The following ERC1 variants were observed in gnomAD, a reference collection of about 807,000 sequenced individuals.
The protein encoded by ERC1 is ELKS/RAB6-interacting/CAST family member 1.
Under a neutral mutation model 132.0 loss-of-function variants are expected in ERC1, and 56 were observed. The observed-to-expected ratio is 0.42, with a 90% CI of 0.34 to 0.53. ERC1 has a LOEUF of 0.53. Ranked by LOEUF, ERC1 falls within the 20% of genes least tolerant of loss-of-function variation. ERC1 has a pLI of 0.03. For synonymous variants in ERC1, 478 were observed against 476.1 expected (o/e 1.00, Z -0.05); for missense variants, 1,202 against 1,349.9 (o/e 0.89, Z 1.72).
At chr12:1,293,328 C>T (rs61912040) in intron 15 of ERC1, among the ~76,000 whole-genome samples, 46,140 of 146,162 alleles carry the variant, frequency 0.32, 8,249 homozygotes, top group Middle Eastern at 0.42. Context: ...TGGCGGGCGC[C>T]TGTAGTCCCA....
At chr12:1,316,356 G>C (rs2081722178) in intron 15 of ERC1, among the ~76,000 whole-genome samples, 1 of 152,054 alleles carries the variant, frequency 6.6e-6, no homozygotes, top group Admixed American at 6.6e-5. Flanking sequence ...AGAGCATGCT[G>C]AAAAAGCTAC....
chr12:1,424,052 A>G (rs78171338), intron 17 of ERC1, among the ~76,000 whole-genome samples: 7,647 of 151,340 alleles, frequency 0.051, 250 homozygotes, highest in East Asian at 0.095. Context: ...GTGTGTGTGT[A>G]TGTTTCTTTT....
At chr12:1,009,964 C>CT (rs917129012) in intron 1 of ERC1, among the ~76,000 whole-genome samples, 39 of 152,120 alleles carry the variant, frequency 2.6e-4, no homozygotes, top group African/African-American at 9.4e-4. Context: ...GGTATAACTC[C>CT]TTTTTTCAGT....
At chr12:1,313,180 C>T (rs2081434011) in intron 15 of ERC1, among the ~76,000 whole-genome samples, 2 of 151,938 alleles carry the variant, frequency 1.3e-5, no homozygotes, top group African/African-American at 2.4e-5. Context: ...AGAAGCCTTT[C>T]CTACATATTC....
At chr12:1,411,265 A>G (rs1183425057) in intron 17 of ERC1, among the ~76,000 whole-genome samples, 1 of 152,194 alleles carries the variant, frequency 6.6e-6, no homozygotes, top group African/African-American at 2.4e-5. Flanking sequence ...AGAAAAAGTA[A>G]TAATTATGAT....
chr12:1,195,623 C>A (rs941432539), intron 12 of ERC1, among the ~76,000 whole-genome samples: 1 of 152,148 alleles, frequency 6.6e-6, no homozygotes, highest in African/African-American at 2.4e-5. Context: ...ATTATCTTGT[C>A]GGGATGTGAT....
At chr12:1,353,568 G>A (rs1045599064) in intron 15 of ERC1, among the ~76,000 whole-genome samples, 1 of 152,198 alleles carries the variant, frequency 6.6e-6, no homozygotes, top group African/African-American at 2.4e-5. Flanking sequence ...TGTCAAAGCT[G>A]GTATAGGCAC....
chr12:1,277,960 C>T (rs185283512), intron 14 of ERC1, among the ~76,000 whole-genome samples: 10 of 152,270 alleles, frequency 6.6e-5, no homozygotes, highest in African/African-American at 1.4e-4. Flanking sequence ...AGAGGAACCT[C>T]GTAGGTTTCA....
chr12:1,477,705 A>C (rs1340359733), intron 18 of ERC1, among the ~76,000 whole-genome samples: 1 of 152,164 alleles, frequency 6.6e-6, no homozygotes, highest in African/African-American at 2.4e-5. Flanking sequence ...TCATATAGCA[A>C]ATTCTTGGAA....
intron 2 of ERC1, among the ~76,000 whole-genome samples, chr12:1,081,547 G>A (rs1487478558): frequency 6.6e-6 from 1 of 152,148 alleles, no homozygotes; most frequent in African/African-American, 2.4e-5. Context: ...TTGAATGCCA[G>A]CTCTATCACT....
chr12:1,150,620 G>C (rs754856442), intron 8 of ERC1, among the ~76,000 whole-genome samples: 15 of 152,166 alleles, frequency 9.9e-5, no homozygotes, highest in Non-Finnish European at 1.9e-4. Flanking sequence ...ACAATGATAA[G>C]TCATTTTGAC....
intron 8 of ERC1, among the ~76,000 whole-genome samples, chr12:1,159,476 G>A (rs1566110402): frequency 6.6e-6 from 1 of 152,200 alleles, no homozygotes; most frequent in Non-Finnish European, 1.5e-5. Context: ...GTTCCTAACA[G>A]GCCACAGACC....
At chr12:1,335,488 C>CTG in intron 15 of ERC1, among the ~76,000 whole-genome samples, 1 of 152,130 alleles carries the variant, frequency 6.6e-6, no homozygotes, top group African/African-American at 2.4e-5. Context: ...TGTGATAATC[C>CTG]TGTAGTTTTT....
At chr12:1,094,412 T>TCC (rs1683573521) in intron 3 of ERC1, among the ~76,000 whole-genome samples, 2 of 70,556 alleles carry the variant, frequency 2.8e-5, no homozygotes, top group South Asian at 8.0e-4. Context: ...ATTCCTTCTC[T>TCC]CTCTTTTTTT....
intron 11 of ERC1, among the ~76,000 whole-genome samples, chr12:1,188,536 T>C (rs1418471976): frequency 6.6e-6 from 1 of 152,198 alleles, no homozygotes; most frequent in African/African-American, 2.4e-5. Flanking sequence ...TCCAAACTTA[T>C]ATGATTTTTG....
At chr12:1,200,209 C>T (rs189706386) in intron 12 of ERC1, among the ~76,000 whole-genome samples, 26 of 152,154 alleles carry the variant, frequency 1.7e-4, no homozygotes, top group Admixed American at 9.8e-4. Flanking sequence ...CAAACTTGAA[C>T]TAGTTTATAG....
At chr12:1,455,172 A>C (rs2093503956) in intron 18 of ERC1, among the ~76,000 whole-genome samples, 1 of 152,272 alleles carries the variant, frequency 6.6e-6, no homozygotes, top group Non-Finnish European at 1.5e-5. Flanking sequence ...AATATAAATA[A>C]GAATAATTGG....
intron 8 of ERC1, among the ~76,000 whole-genome samples, chr12:1,143,213 AAAAAAT>A (rs1950011119): frequency 6.6e-6 from 1 of 152,000 alleles, no homozygotes; most frequent in African/African-American, 2.4e-5. Flanking sequence ...CACCTTTTTT[AAAAAAT>A]AAAAATAAAA....
rs140628500 is a variant in ERC1 at position 1,336,351 on chromosome 12, A to G, written c.2781-35482A>G. Among the ~76,000 whole-genome samples, 774 of 151,878 alleles carry G rather than the reference A, an allele frequency of 5.1e-3. 4 individuals carry two copies. The highest frequency in any genetic ancestry group is 9.2e-3 in the Non-Finnish European group (622 of 67,930). ...TTTAGTTGTGATGTAAAGTTGTTAT[A>G]TTGAGATCTTTCTAACTCTTTGATG... On this transcript the variant is annotated intron_variant, in intron 15 of 18. Transcript: ENST00000360905.
Sources: gnomAD v4.1 joint callset for allele counts (sites outside exome capture counted in the v4.1 genomes callset) on GRCh38, gnomAD v4.1.1 for gene constraint, MANE v1.5 for transcripts, NCBI Gene and HGNC (gene_info 2026-07-23, HGNC 2026-07-21) for gene names.